Variants in FNDC3B observed in about 807,000 individuals in gnomAD.
FNDC3B encodes fibronectin type III domain containing 3B, also known as fibronectin type III domain-containing protein 3B.
A neutral mutation model predicts 151.5 loss-of-function variants in FNDC3B; 12 were observed. The observed-to-expected ratio is 0.08, with a 90% confidence interval of 0.05 to 0.13. The LOEUF is 0.13. FNDC3B is among the 10% of genes least tolerant of loss of function. The pLI is 1.00. For missense variants in FNDC3B, 1,214 were observed against 1,505.3 expected (o/e 0.81, Z 3.20); for synonymous variants, 528 against 549.0 (o/e 0.96, Z 0.54).
chr3:172,149,929 G>C (rs6780960), intron 3 of FNDC3B, among the ~76,000 whole-genome samples: 148,891 of 151,050 alleles, frequency 0.99, 73,489 homozygotes, highest in Middle Eastern at 1. Context: ...AGCGATTCTC[G>C]AGCCTCAGCC....
chr3:172,161,563 A>G (rs983647580), intron 3 of FNDC3B, among the ~76,000 whole-genome samples: 30 of 152,254 alleles, frequency 2.0e-4, no homozygotes, highest in African/African-American at 6.8e-4. Context: ...ATGACTAGCC[A>G]GTCAGATCTC....
At chr3:172,267,466 A>C (rs1180016980) in intron 6 of FNDC3B, among the ~76,000 whole-genome samples, 1 of 152,148 alleles carries the variant, frequency 6.6e-6, no homozygotes, top group African/African-American at 2.4e-5. Flanking sequence ...TATGCACAGT[A>C]AATTAAGCTA....
At chr3:172,320,342 T>C (rs1401107615) in intron 11 of FNDC3B, among the ~76,000 whole-genome samples, 1 of 151,988 alleles carries the variant, frequency 6.6e-6, no homozygotes, top group Non-Finnish European at 1.5e-5. Flanking sequence ...ATCATTCCAC[T>C]GCACTCCAGC....
intron 3 of FNDC3B, among the ~76,000 whole-genome samples, chr3:172,145,864 A>C (rs988608518): frequency 1.5e-5 from 2 of 129,892 alleles, no homozygotes; most frequent in African/African-American, 6.1e-5. Flanking sequence ...CCCAGGCTGG[A>C]GTGCAATGGT....
At chr3:172,069,122 C>T (rs1717645321) in intron 1 of FNDC3B, among the ~76,000 whole-genome samples, 1 of 152,152 alleles carries the variant, frequency 6.6e-6, no homozygotes. Context: ...TGTACTTCTG[C>T]TGCAAAACGT....
chr3:172,228,040 TC>T (rs1726681834), intron 4 of FNDC3B, among the ~76,000 whole-genome samples: 1 of 152,220 alleles, frequency 6.6e-6, no homozygotes, highest in South Asian at 2.1e-4. Flanking sequence ...TTCATTTTTT[TC>T]CATCCTTTTT....
chr3:172,189,078 CT>C (rs1724362606), intron 3 of FNDC3B, among the ~76,000 whole-genome samples: 1 of 152,090 alleles, frequency 6.6e-6, no homozygotes, highest in Admixed American at 6.6e-5. Flanking sequence ...GTAAGTATTT[CT>C]TTTAGCATTA....
In FNDC3B at chr3:172,179,858, C is replaced by CAA. The variant is rs60259015; in HGVS notation, c.187+46338_187+46339dup. ...AGGCAACAGAGTGAGGCCCTGTCTC[C>CAA]AAAAAAAAAAAAAAAAAAAAAAAAA... On this transcript the variant is annotated intron_variant, in intron 3 of 25. Coordinates refer to ENST00000415807, the MANE Select transcript of FNDC3B (RefSeq NM_022763.4). 6.3e-4 allele frequency among the ~76,000 whole-genome samples: 62 copies of CAA among 97,792 alleles called. 1 individual carries two copies. The highest frequency in any genetic ancestry group is 1.0e-3 in the Non-Finnish European group (51 of 50,804). 64.2% of individuals were successfully genotyped at this position (97,792 alleles called of 152,430 possible).
intron 4 of FNDC3B, among the ~76,000 whole-genome samples, chr3:172,230,088 G>A (rs1386315441): frequency 6.6e-6 from 1 of 152,060 alleles, no homozygotes; most frequent in African/African-American, 2.4e-5. Context: ...CCTTGGATTA[G>A]GTAATGGATT....
intron 3 of FNDC3B, among the ~76,000 whole-genome samples, chr3:172,193,107 A>T (rs1724618475): frequency 8.9e-6 from 1 of 112,040 alleles, no homozygotes; most frequent in South Asian, 3.3e-4. Flanking sequence ...GGTCATAGCC[A>T]GCCTCCCTCC....
At chr3:172,204,487 C>T (rs1338736223) in intron 3 of FNDC3B, among the ~76,000 whole-genome samples, 1 of 151,602 alleles carries the variant, frequency 6.6e-6, no homozygotes, top group African/African-American at 2.4e-5. Context: ...TACATACATG[C>T]ACAGACAAAA....
intron 4 of FNDC3B, among the ~76,000 whole-genome samples, chr3:172,235,989 G>A (rs529345730): frequency 6.6e-6 from 1 of 152,308 alleles, no homozygotes; most frequent in Non-Finnish European, 1.5e-5. Context: ...ACTGCTGATA[G>A]CTTTATTCAC....
intron 6 of FNDC3B, among the ~76,000 whole-genome samples, chr3:172,252,509 A>G (rs11924981): frequency 0.031 from 4,682 of 151,454 alleles, 243 homozygotes; most frequent in African/African-American, 0.11. Flanking sequence ...CATTGAATTT[A>G]TGGATTCCTT....
chr3:172,145,975 C>T (rs538326646), intron 3 of FNDC3B, among the ~76,000 whole-genome samples: 246 of 151,980 alleles, frequency 1.6e-3, no homozygotes, highest in Middle Eastern at 0.01. Flanking sequence ...CACCACGCCC[C>T]GTTAGTTTTG....
At chr3:172,224,296 C>T (rs770295434) in intron 3 of FNDC3B, among the ~76,000 whole-genome samples, 3 of 152,148 alleles carry the variant, frequency 2.0e-5, no homozygotes, top group African/African-American at 7.2e-5. Flanking sequence ...TGGATGTATT[C>T]GTTTAAATTA....
intron 16 of FNDC3B, among the ~76,000 whole-genome samples, chr3:172,340,756 C>G (rs906044973): frequency 1.3e-5 from 2 of 152,206 alleles, no homozygotes; most frequent in Non-Finnish European, 2.9e-5. Flanking sequence ...CTGGCTGCCC[C>G]TGAGGCCTCC....
chr3:172,313,586 G>C (rs1353342884), intron 11 of FNDC3B, among the ~76,000 whole-genome samples: 1 of 152,226 alleles, frequency 6.6e-6, no homozygotes, highest in Non-Finnish European at 1.5e-5. Flanking sequence ...AGGGATCTGT[G>C]ACGTAGTAAA....
At chr3:172,042,511 T>TA (rs1423783892) in intron 1 of FNDC3B, among the ~76,000 whole-genome samples, 1 of 152,248 alleles carries the variant, frequency 6.6e-6, no homozygotes, top group Non-Finnish European at 1.5e-5. Flanking sequence ...GAAAGTTTAA[T>TA]ACAGGATTGT....
At chr3:172,100,658 GTTGT>G (rs1719336730) in intron 1 of FNDC3B, among the ~76,000 whole-genome samples, 1 of 152,082 alleles carries the variant, frequency 6.6e-6, no homozygotes, top group Non-Finnish European at 1.5e-5. Context: ...TTTGTTAACT[GTTGT>G]CATTTCATGT....
Sources: gnomAD v4.1 joint callset for allele counts (sites outside exome capture counted in the v4.1 genomes callset) on GRCh38, gnomAD v4.1.1 for gene constraint, MANE v1.5 for transcripts, NCBI Gene and HGNC (gene_info 2026-07-23, HGNC 2026-07-21) for gene names.